PDXK: variants seen among roughly 807,000 people sequenced by gnomAD.
PDXK encodes the protein epididymis secretory sperm binding protein Li 1a.
Under a neutral mutation model 43.2 loss-of-function variants are expected in PDXK, and 15 were observed. The observed-to-expected ratio is 0.35, with a 90% CI of 0.23 to 0.53. PDXK has a LOEUF of 0.53. PDXK is among the 20% of genes least tolerant of loss of function. The pLI is 0.92. For missense variants in PDXK, 343 were observed against 417.0 expected (o/e 0.82, Z 1.54); for synonymous variants, 172 against 165.4 (o/e 1.04, Z -0.31).
intron 7 of PDXK, among the ~76,000 whole-genome samples, 175 bp from the exon 8 acceptor site, chr21:43,752,341 GGC>G (rs2083768037): frequency 6.6e-6 from 1 of 152,236 alleles, no homozygotes; most frequent in Non-Finnish European, 1.5e-5. Flanking sequence ...CTGACCAGGT[GGC>G]TGTCTTCCCT....
chr21:43,749,150 G>A (rs2083690755), intron 6 of PDXK, 70 bp downstream of exon 6: 3 of 960,094 alleles, frequency 3.1e-6, no homozygotes, highest in Admixed American at 4.1e-5. Flanking sequence ...TGTCACCCAG[G>A]CTGGAGTGCA....
rs749646818 is a variant in PDXK, at chr21:43,723,551, C to T, written c.87+4170C>T. 6.6e-6 allele frequency: 1 copy of T among 152,236 alleles called. No individual in the cohort carries two copies. The highest frequency in any genetic ancestry group is 1.5e-5 in the Non-Finnish European group (1 of 68,058). The allele number at this position is 152,236 out of a possible 1,614,324, so 9.4% of individuals were successfully genotyped here. ...CAGCATTCAATCTGGAAGGAGCCTT[C>T]AGAGAAATTTGAAAGTGGCATAAAC... On this transcript the variant is annotated intron_variant, in intron 1 of 10. Coordinates refer to ENST00000291565, the MANE Select transcript of PDXK (RefSeq NM_003681.5). This position sits in a 1 kb window ranked among gnomAD's most constrained non-coding sequence, Gnocchi z 4.1.
At chr21:43,722,097 C>T (rs1019769063) in intron 1 of PDXK, among the ~76,000 whole-genome samples, 1 of 152,298 alleles carries the variant, frequency 6.6e-6, no homozygotes, top group African/African-American at 2.4e-5. Flanking sequence ...ACAGACCTGC[C>T]CAAGACAGGC....
intron 5 of PDXK, among the ~76,000 whole-genome samples, chr21:43,747,762 T>G (rs1335324981): frequency 6.6e-6 from 1 of 152,248 alleles, no homozygotes; most frequent in Admixed American, 6.5e-5. Flanking sequence ...TGATCACATT[T>G]GTTTTCCTGA....
In PDXK at chr21:43,723,090, G is replaced by A. The variant is rs562130026; in HGVS notation, c.87+3709G>A. Among the ~76,000 whole-genome samples the A allele has an allele frequency of 1.6e-4, 24 of 151,212 alleles. No homozygotes were observed. Among genetic ancestry groups the A allele is most frequent in the Admixed American group, 9.9e-4 (15 of 15,192 alleles). ...CCTGACCTCGTGATCCGCCCACCTC[G>A]GCCTCCCAAAGTACTGGGATTACAG... On this transcript the variant is annotated intron_variant, in intron 1 of 10. Transcript: ENST00000291565. This position sits in a 1 kb window ranked among gnomAD's most constrained non-coding sequence, Gnocchi z 4.1.
At chr21:43,746,321 G>A (rs183351688) in intron 5 of PDXK, among the ~76,000 whole-genome samples, 196 bp downstream of exon 5, 53 of 152,316 alleles carry the variant, frequency 3.5e-4, no homozygotes, top group African/African-American at 1.2e-3. Context: ...GATAAATATC[G>A]ACACCTTTGC....
intron 2 of PDXK, chr21:43,740,993 C>G (rs1168532944): frequency 6.9e-6 from 1 of 145,130 alleles, no homozygotes; most frequent in Non-Finnish European, 1.5e-5. Flanking sequence ...GAGGGAGTAG[C>G]CAGGGGCCTT....
chr21:43,740,008 C>A (rs910799799), intron 2 of PDXK, among the ~76,000 whole-genome samples: 4 of 151,894 alleles, frequency 2.6e-5, no homozygotes, highest in Middle Eastern at 3.2e-3. Context: ...ACCACCTGCC[C>A]CTCCTGACCC....
Position 43,756,333 on chromosome 21 carries a change from A to T in PDXK, c.*270A>T. 1 of 333,050 alleles carries T rather than the reference A, an allele frequency of 3.0e-6. No individual in the cohort carries two copies. Among genetic ancestry groups the T allele is most frequent in the Non-Finnish European group, 5.7e-6 (1 of 174,816 alleles). The allele number at this position is 333,050 out of a possible 1,614,324, so 20.6% of individuals were successfully genotyped here. A position where few individuals can be genotyped will look rare whatever the true frequency, so the allele number is the denominator to read the frequency against. On this transcript the variant is annotated 3_prime_UTR_variant, in exon 11 of 11. Coordinates refer to ENST00000291565, the MANE Select transcript of PDXK (RefSeq NM_003681.5). ...CCGGGAAGACGGGCCCCTGTTTGCCATCTCGGGGGTGTTCCCTGTGGGAGG... is the reference window on the plus strand; with the variant it reads ...CCGGGAAGACGGGCCCCTGTTTGCCTTCTCGGGGGTGTTCCCTGTGGGAGG...
Position 43,732,099 on chromosome 21 carries a change from G to A in PDXK, c.88-1970G>A, listed in dbSNP as rs1251150787. On this transcript the variant is annotated intron_variant, in intron 1 of 10. Coordinates refer to ENST00000291565, the MANE Select transcript of PDXK (RefSeq NM_003681.5). This position sits in a 1 kb window ranked among gnomAD's most constrained non-coding sequence, Gnocchi z 4.1. ...CCCTGTGGGGAGAAGAGCCCCGGGG[G>A]AAGAAGAGCACTGCTGACAGAAGCC... 2 of 1,230,120 alleles carry A rather than the reference G, an allele frequency of 1.6e-6. No homozygotes were observed. The highest frequency in any genetic ancestry group is 1.5e-5 in the African/African-American group (1 of 65,452). The allele number at this position is 1,230,120 out of a possible 1,614,324, so 76.2% of individuals were successfully genotyped here. A position where few individuals can be genotyped will look rare whatever the true frequency, so the allele number is the denominator to read the frequency against.
At position 43,737,091 on chromosome 21, in the gene PDXK, C is replaced by A; in HGVS notation, c.142+2968C>A. On this transcript the variant is annotated intron_variant, in intron 2 of 10. Coordinates refer to ENST00000291565, the MANE Select transcript of PDXK (RefSeq NM_003681.5). The surrounding 1 kb of genome is among the most constrained non-coding windows in gnomAD (Gnocchi z 4.8). ...GGGACTATAGTTGTGCACCAGCACGCCCACCTCCTGCCCAGGGTTGTTACT... is the reference window on the plus strand; with the variant it reads ...GGGACTATAGTTGTGCACCAGCACGACCACCTCCTGCCCAGGGTTGTTACT... 2 of 882,856 alleles carry A rather than the reference C, an allele frequency of 2.3e-6. No individual in the cohort carries two copies. The highest frequency in any genetic ancestry group is 1.4e-5 in the South Asian group (1 of 70,862). 54.7% of individuals were successfully genotyped at this position (882,856 alleles called of 1,614,324 possible).
At chr21:43,719,741 A>G (rs1277897030) in intron 1 of PDXK, 3 of 985,352 alleles carry the variant, frequency 3.0e-6, no homozygotes, top group Non-Finnish European at 3.6e-6. Context: ...AGGCGAGGAA[A>G]TGTCGCAGAG....
intron 1 of PDXK, among the ~76,000 whole-genome samples, chr21:43,722,839 C>T (rs996387966): frequency 3.3e-5 from 5 of 151,552 alleles, no homozygotes; most frequent in Middle Eastern, 3.4e-3. Context: ...GATACTTTTT[C>T]TTTCTTTCTT....
intron 3 of PDXK, 113 bp from the exon 4 acceptor site, chr21:43,743,611 C>T: frequency 1.6e-6 from 1 of 639,504 alleles, no homozygotes; most frequent in Non-Finnish European, 2.9e-6. Flanking sequence ...GCACCCACCT[C>T]CCTCCCCAGC....
chr21:43,735,464 G>A lies in PDXK; in HGVS notation c.142+1341G>A, dbSNP rs940745992. ...GTGGAAGCTTCTCAGTGGGTGGTGG[G>A]CTGGCTGACCCGAGGGCCCAGAGAT... On this transcript the variant is annotated intron_variant, in intron 2 of 10. Transcript: ENST00000291565. The surrounding 1 kb of genome is among the most constrained non-coding windows in gnomAD (Gnocchi z 5.3). Among the ~76,000 whole-genome samples, 10 of 152,180 alleles carry A rather than the reference G, an allele frequency of 6.6e-5. No individual in the cohort carries two copies. The highest frequency in any genetic ancestry group is 1.2e-4 in the African/African-American group (5 of 41,440).
intron 9 of PDXK, among the ~76,000 whole-genome samples, chr21:43,755,137 T>G (rs1483660106): frequency 6.6e-6 from 1 of 151,812 alleles, no homozygotes; most frequent in Non-Finnish European, 1.5e-5. Context: ...GGTTGTGGAG[T>G]CGGGGAGCGA....
intron 5 of PDXK, among the ~76,000 whole-genome samples, chr21:43,747,468 G>C (rs1601824973): frequency 6.6e-6 from 1 of 152,272 alleles, no homozygotes; most frequent in Middle Eastern, 3.2e-3. Flanking sequence ...TGCCCCGCTG[G>C]GTCAGTGGTT....
At chr21:43,742,759 T>G (rs564195405) in intron 3 of PDXK, among the ~76,000 whole-genome samples, 2 of 152,198 alleles carry the variant, frequency 1.3e-5, no homozygotes, top group East Asian at 3.9e-4. Context: ...TCCCAGCTAC[T>G]CGGGAAGCTC....
rs1317833578 is a variant in PDXK, at chr21:43,734,840, G to A, written c.142+717G>A. ...GTCGGCAGGAGAACAAAGCTGTTCT[G>A]TTCTTTGAAACCCCACCTCGCTTCC... On this transcript the variant is annotated intron_variant, in intron 2 of 10. Transcript: ENST00000291565. This position sits in a 1 kb window ranked among gnomAD's most constrained non-coding sequence, Gnocchi z 5.0. Among the ~76,000 whole-genome samples the A allele has an allele frequency of 6.6e-6, 1 of 152,202 alleles. No individual in the cohort carries two copies. Among genetic ancestry groups the A allele is most frequent in the African/African-American group, 2.4e-5 (1 of 41,442 alleles).
Sources: allele counts gnomAD v4.1 joint callset (sites outside exome capture counted in the v4.1 genomes callset), GRCh38; gene constraint gnomAD v4.1.1; non-coding constraint Gnocchi (gnomAD v3.1); transcripts MANE v1.5; gene names NCBI Gene and HGNC (gene_info 2026-07-23, HGNC 2026-07-21).